Variants in TSPAN11 observed in about 807,000 individuals in gnomAD.
The protein encoded by TSPAN11 is tetraspanin-11.
Under a neutral mutation model 32.9 loss-of-function variants are expected in TSPAN11, and 29 were observed. The ratio of observed to expected loss-of-function variants is 0.88; its 90% CI spans 0.66 to 1.20. The LOEUF (loss-of-function observed/expected upper bound fraction) is 1.20, where lower values mean the gene tolerates loss of function less well. Ranked by LOEUF, TSPAN11 falls within the 50% of genes most tolerant of loss-of-function variation. TSPAN11 has a pLI of 0.00. For synonymous variants in TSPAN11, 140 were observed against 141.3 expected, an observed-to-expected ratio of 0.99 and a Z score of 0.07; for missense variants, 283 against 329.1, an observed-to-expected ratio of 0.86 and a Z score of 1.08.
intron 1 of TSPAN11, among the ~76,000 whole-genome samples, chr12:30,941,206 G>A (rs899980758): frequency 5.3e-5 from 8 of 152,232 alleles, no homozygotes; most frequent in African/African-American, 1.9e-4. Flanking sequence ...CATATATACA[G>A]AGGGCCGACT....
intron 7 of TSPAN11, among the ~76,000 whole-genome samples, chr12:30,990,449 A>T (rs1939289677): frequency 6.6e-6 from 1 of 152,190 alleles, no homozygotes; most frequent in Non-Finnish European, 1.5e-5. Flanking sequence ...TGAGGTAGGG[A>T]AACCTGCATG....
At position 30,993,302 on chromosome 12, in the gene TSPAN11, A is replaced by T. The variant is rs1435304210; in HGVS notation, c.*1387A>T. The T allele has an allele frequency of 6.6e-6, 1 of 152,272 alleles. No individual in the cohort carries two copies. Among genetic ancestry groups the T allele is most frequent in the Non-Finnish European group, 1.5e-5 (1 of 68,090 alleles). 9.4% of individuals were successfully genotyped at this position (152,272 alleles called of 1,614,324 possible). The stretch of plus-strand genomic sequence containing the variant: ...CCCAGCTCACCTCCCTGCTTGATCC[A>T]GATTGCACTGTGATGAGCACATTGC... On this transcript the variant is annotated 3_prime_UTR_variant, in exon 8 of 8. Transcript: ENST00000546076.
At chr12:30,974,281 A>G (rs866982171) in intron 3 of TSPAN11, among the ~76,000 whole-genome samples, 5 of 152,370 alleles carry the variant, frequency 3.3e-5, no homozygotes, top group Middle Eastern at 3.4e-3. Context: ...TGTGTGACCC[A>G]GGGTTTTGCA....
At chr12:30,988,275 G>C (rs543743190) in intron 7 of TSPAN11, among the ~76,000 whole-genome samples, 19 of 152,330 alleles carry the variant, frequency 1.2e-4, no homozygotes, top group Non-Finnish European at 2.4e-4. Flanking sequence ...GGCCCTGGCT[G>C]CATGCTAGAG....
intron 5 of TSPAN11, 57 bp from the exon 6 acceptor site, chr12:30,982,475 C>A: frequency 6.4e-7 from 1 of 1,567,642 alleles, no homozygotes; most frequent in South Asian, 1.2e-5. Context: ...TGTCCTGCAG[C>A]CTGGGACCCT....
intron 2 of TSPAN11, among the ~76,000 whole-genome samples, chr12:30,960,026 G>A (rs887219003): frequency 2.7e-5 from 4 of 150,930 alleles, no homozygotes; most frequent in African/African-American, 9.9e-5. Context: ...GGTGGACAGT[G>A]TGGCGGGGAG....
intron 3 of TSPAN11, among the ~76,000 whole-genome samples, chr12:30,970,419 C>T (rs1345858855): frequency 6.6e-6 from 1 of 152,214 alleles, no homozygotes; most frequent in Non-Finnish European, 1.5e-5. Context: ...GGAACACACA[C>T]AGTGTGATCT....
At chr12:31,000,853 T>C (rs184482596), downstream of TSPAN11, among the ~76,000 whole-genome samples, 32 of 152,346 alleles carry the variant, frequency 2.1e-4, no homozygotes, top group Admixed American at 1.6e-3. Context: ...ATCCATTTGG[T>C]ACAAACAATA....
chr12:30,964,272 TTCTTCC>T (rs1446264544), intron 3 of TSPAN11, among the ~76,000 whole-genome samples: 2 of 151,356 alleles, frequency 1.3e-5, no homozygotes, highest in East Asian at 2.0e-4. Flanking sequence ...CTCACTCCCC[TTCTTCC>T]TCTTCCTCTT....
chr12:30,944,912 G>C (rs1938236372), intron 1 of TSPAN11, among the ~76,000 whole-genome samples: 1 of 152,206 alleles, frequency 6.6e-6, no homozygotes, highest in Admixed American at 6.5e-5. Flanking sequence ...GGGAGCTTTT[G>C]CTAAAAAGCT....
intron 3 of TSPAN11, among the ~76,000 whole-genome samples, chr12:30,970,859 C>T (rs561453170): frequency 7.9e-5 from 12 of 152,206 alleles, no homozygotes; most frequent in Non-Finnish European, 1.5e-4. Context: ...CACAAATGGG[C>T]CGGGCAGCTG....
chr12:30,984,391 C>T (rs1311176891), intron 7 of TSPAN11, among the ~76,000 whole-genome samples: 2 of 152,134 alleles, frequency 1.3e-5, no homozygotes, highest in African/African-American at 4.8e-5. Flanking sequence ...GCCTGCAACC[C>T]ACTTACGAAG....
chr12:30,974,359 G>T (rs1938916332), intron 3 of TSPAN11, among the ~76,000 whole-genome samples: 1 of 152,268 alleles, frequency 6.6e-6, no homozygotes. Context: ...GCACCCAGTG[G>T]GATGCTTAGC....
chr12:30,982,914 A>T, intron 6 of TSPAN11, 150 bp from the exon 7 acceptor site: 1 of 1,059,494 alleles, frequency 9.4e-7, no homozygotes, highest in Non-Finnish European at 1.4e-6. Context: ...CCCTGGGGCC[A>T]CTCAAGTAGC....
chr12:30,982,959 G>A, intron 6 of TSPAN11, 105 bp from the exon 7 acceptor site: 13 of 1,305,458 alleles, frequency 1.0e-5, no homozygotes, highest in Non-Finnish European at 1.3e-5. Flanking sequence ...CAGCCTGTGA[G>A]TCCTCTGGCC....
At chr12:31,011,474 C>T in the TSPAN11 span, among the ~76,000 whole-genome samples, 1 of 152,212 alleles carries the variant, frequency 6.6e-6, no homozygotes, top group Admixed American at 6.5e-5. Context: ...ACTTCCATCC[C>T]TCCCAGCCCC....
chr12:30,947,491 C>T (rs1938291691), intron 1 of TSPAN11, among the ~76,000 whole-genome samples: 1 of 152,154 alleles, frequency 6.6e-6, no homozygotes, highest in African/African-American at 2.4e-5. Flanking sequence ...CTTACAGTTC[C>T]ACATGGCTGA....
chr12:31,004,814 A>G, the TSPAN11 span, among the ~76,000 whole-genome samples: 1 of 152,224 alleles, frequency 6.6e-6, no homozygotes. Context: ...TGAAAAGCAC[A>G]GGGACCTGCC....
chr12:30,978,508 G>A, intron 3 of TSPAN11, 53 bp from the exon 4 acceptor site: 4 of 1,580,774 alleles, frequency 2.5e-6, no homozygotes, highest in Non-Finnish European at 3.5e-6. Context: ...GGAAACATTT[G>A]TCATAGCAGC....
Sources: gnomAD v4.1 joint callset for allele counts (sites outside exome capture counted in the v4.1 genomes callset) on GRCh38, gnomAD v4.1.1 for gene constraint, MANE v1.5 for transcripts, NCBI Gene and HGNC (gene_info 2026-07-23, HGNC 2026-07-21) for gene names.